The following AFAP1L2 variants were observed in gnomAD, a reference collection of about 807,000 sequenced individuals.
AFAP1L2 encodes the protein actin filament-associated protein 1-like 2.
Under a neutral mutation model 99.3 loss-of-function variants are expected in AFAP1L2, and 46 were observed. That is an observed-to-expected ratio of 0.46 (90% CI 0.37 to 0.59). AFAP1L2 has a LOEUF of 0.59. Ranked by LOEUF, AFAP1L2 falls within the 20% of genes least tolerant of loss-of-function variation. The pLI is 0.00. For missense variants in AFAP1L2, 959 were observed against 1,034.9 expected, an observed-to-expected ratio of 0.93 and a Z score of 1.01; for synonymous variants, 397 against 419.1, an observed-to-expected ratio of 0.95 and a Z score of 0.64.
chr10:114,342,417 C>T (rs1315994808), intron 1 of AFAP1L2, among the ~76,000 whole-genome samples: 1 of 152,186 alleles, frequency 6.6e-6, no homozygotes, highest in Non-Finnish European at 1.5e-5. Context: ...CTGTGGTGGG[C>T]TAAATATTGG....
chr10:114,297,542 G>C, intron 16 of AFAP1L2, 129 bp from the exon 17 acceptor site: 6 of 990,162 alleles, frequency 6.1e-6, no homozygotes, highest in Non-Finnish European at 7.3e-6. Context: ...CCAACACTCA[G>C]AGCCAGGAGG....
intron 4 of AFAP1L2, among the ~76,000 whole-genome samples, chr10:114,324,928 T>C (rs1374605238): frequency 1.3e-5 from 2 of 152,118 alleles, no homozygotes; most frequent in Non-Finnish European, 2.9e-5. Flanking sequence ...CAGGAGACAG[T>C]GGGAGGACAG....
chr10:114,299,355 T>G lies in AFAP1L2; in HGVS notation c.2018A>C (p.Glu673Ala). ...TTCTTCCTTCTTCTTTTCAAGCCTC[T>G]CCTTCTCCTCTGTGTACCGCTTCAC... ...AEVKRYTEEK[E>A]RLEKKKEEIR... The change falls in exon 16 of 19, where the codon GAG becomes GCG. Residue 673 changes from glutamate to alanine, a missense_variant. By Grantham distance (107) the Glu-to-Ala change is moderately radical (BLOSUM62 -1). Around this residue, in one of 2 missense-constraint regions of AFAP1L2, gnomAD observed 576 missense variants for 562.1 expected, o/e 1.02. Coordinates refer to ENST00000304129, the MANE Select transcript of AFAP1L2 (RefSeq NM_001001936.3). 4 of 1,614,238 alleles carry G rather than the reference T, an allele frequency of 2.5e-6. No individual in the cohort carries two copies. The highest frequency in any genetic ancestry group is 3.4e-6 in the Non-Finnish European group (4 of 1,180,042).
Position 114,324,409 on chromosome 10 carries a change from C to CAA in AFAP1L2, c.316-1149_316-1148insTT, listed in dbSNP as rs1564871192. Among the ~76,000 whole-genome samples, 602 of 146,628 alleles carry CAA rather than the reference C, an allele frequency of 4.1e-3. 20 individuals are homozygous for CAA. Among genetic ancestry groups the CAA allele is most frequent in the African/African-American group, 0.016 (584 of 36,924 alleles). On this transcript the variant is annotated intron_variant, in intron 4 of 18. Coordinates refer to ENST00000304129, the MANE Select transcript of AFAP1L2 (RefSeq NM_001001936.3). ...CAGGGGTGCACCACCCCCCCCCCCC[C>CAA]CCCGGCTAATTTTTGTATTTTTAGC...
chr10:114,404,467 A>G lies in AFAP1L2; in HGVS notation c.-12T>C. 6.5e-7 allele frequency: 1 copy of G among 1,538,138 alleles called. No individual in the cohort carries two copies. Among genetic ancestry groups the G allele is most frequent in the East Asian group, 2.5e-5 (1 of 40,166 alleles). Reference sequence around the variant, plus strand: ...TTGTACCGCTCCATCGGGGCCACGGAGTGCGCTCCTCGCGGCTCGGCTTCT... The same window carrying G: ...TTGTACCGCTCCATCGGGGCCACGGGGTGCGCTCCTCGCGGCTCGGCTTCT... On this transcript the variant is annotated 5_prime_UTR_variant, in exon 1 of 19. Transcript: ENST00000304129.
chr10:114,373,778 G>C (rs491529), intron 1 of AFAP1L2, among the ~76,000 whole-genome samples: 149,372 of 152,304 alleles, frequency 0.98, 73,323 homozygotes, highest in East Asian at 1. Flanking sequence ...CAAGGCCACG[G>C]CCCCAGAGCT....
intron 2 of AFAP1L2, among the ~76,000 whole-genome samples, chr10:114,337,383 T>C (rs1458165277): frequency 6.6e-6 from 1 of 152,256 alleles, no homozygotes; most frequent in African/African-American, 2.4e-5. Flanking sequence ...TGTTGGCTGC[T>C]ATTGTACCTA....
chr10:114,361,998 C>A (rs1040590735), intron 1 of AFAP1L2, among the ~76,000 whole-genome samples: 15 of 152,184 alleles, frequency 9.9e-5, no homozygotes, highest in Middle Eastern at 3.4e-3. Context: ...TTTTTTCTTT[C>A]TTATGATAAA....
chr10:114,311,352 T>C (rs556282724), intron 7 of AFAP1L2, among the ~76,000 whole-genome samples: 21 of 152,230 alleles, frequency 1.4e-4, no homozygotes, highest in Middle Eastern at 3.4e-3. Flanking sequence ...AACGCAGAAT[T>C]AGTTAGAGTG....
At chr10:114,368,139 G>T (rs1590628895) in intron 1 of AFAP1L2, among the ~76,000 whole-genome samples, 1 of 152,342 alleles carries the variant, frequency 6.6e-6, no homozygotes, top group East Asian at 1.9e-4. Context: ...TAAAAAGAAG[G>T]AAATCCTGCC....
intron 1 of AFAP1L2, among the ~76,000 whole-genome samples, chr10:114,348,924 A>G (rs750765386): frequency 2.6e-5 from 4 of 152,234 alleles, no homozygotes; most frequent in Non-Finnish European, 4.4e-5. Flanking sequence ...ACCTAATAAA[A>G]TTATGTGTAA....
intron 1 of AFAP1L2, among the ~76,000 whole-genome samples, chr10:114,365,272 C>T (rs1297339659): frequency 6.6e-6 from 1 of 152,050 alleles, no homozygotes; most frequent in Admixed American, 6.5e-5. Flanking sequence ...AATGAAGGAA[C>T]CCCCAGGCAT....
chr10:114,366,752 G>C (rs2053321223), intron 1 of AFAP1L2, among the ~76,000 whole-genome samples: 1 of 152,188 alleles, frequency 6.6e-6, no homozygotes, highest in Non-Finnish European at 1.5e-5. Context: ...CAGATCATGA[G>C]GTCAGGAGTT....
intron 1 of AFAP1L2, among the ~76,000 whole-genome samples, chr10:114,342,025 G>A (rs747643889): frequency 6.6e-6 from 1 of 152,240 alleles, no homozygotes. Flanking sequence ...GGTGACCTGA[G>A]AAAACAAGTG....
intron 1 of AFAP1L2, among the ~76,000 whole-genome samples, chr10:114,354,547 G>A (rs2051025419): frequency 6.6e-6 from 1 of 152,176 alleles, no homozygotes; most frequent in Non-Finnish European, 1.5e-5. Context: ...ATAGGAGAAG[G>A]GGATGTAGTT....
chr10:114,351,468 G>A (rs186845212), intron 1 of AFAP1L2, among the ~76,000 whole-genome samples: 1 of 152,330 alleles, frequency 6.6e-6, no homozygotes, highest in Non-Finnish European at 1.5e-5. Flanking sequence ...TTGGACAGGT[G>A]TGCTGGTCGG....
chr10:114,377,940 G>GT lies in AFAP1L2; in HGVS notation c.16+26499dup, dbSNP rs551656427. 6.6e-6 allele frequency among the ~76,000 whole-genome samples: 1 copy of GT among 152,152 alleles called. No homozygotes were observed. Among genetic ancestry groups the GT allele is most frequent in the Non-Finnish European group, 1.5e-5 (1 of 68,010 alleles). ...GTACTTCCCAAGAAACTGTATTATG[G>GT]TTTTTTTGTGGGTCTTCACTGGTGC... On this transcript the variant is annotated intron_variant, in intron 1 of 18. Coordinates refer to ENST00000304129, the MANE Select transcript of AFAP1L2 (RefSeq NM_001001936.3). The surrounding 1 kb of genome is among the most constrained non-coding windows in gnomAD (Gnocchi z 4.0).
intron 5 of AFAP1L2, among the ~76,000 whole-genome samples, chr10:114,318,195 G>T (rs141099047): frequency 5.1e-4 from 78 of 152,294 alleles, no homozygotes; most frequent in African/African-American, 1.9e-3. Context: ...TGCATTATCT[G>T]TATAATAAGC....
intron 1 of AFAP1L2, among the ~76,000 whole-genome samples, chr10:114,346,007 G>A (rs1590370668): frequency 6.6e-6 from 1 of 152,334 alleles, no homozygotes; most frequent in South Asian, 2.1e-4. Context: ...CTGCCCATCG[G>A]GGAGCGGGTG....
Sources: gnomAD v4.1 joint callset for allele counts (sites outside exome capture counted in the v4.1 genomes callset) on GRCh38, gnomAD v4.1.1 for gene constraint, gnomAD v4.1.1 regional missense constraint, Gnocchi (gnomAD v3.1) non-coding constraint, MANE v1.5 for transcripts, NCBI Gene and HGNC (gene_info 2026-07-23, HGNC 2026-07-21) for gene names.